CAV1: variants seen among roughly 807,000 people sequenced by gnomAD.
CAV1 encodes caveolin 1.
CAV1 carries 10 observed loss-of-function variants against 16.5 expected under a neutral mutation model. That is an observed-to-expected ratio of 0.61 (90% CI 0.37 to 1.03). CAV1 has a LOEUF of 1.03. CAV1 is among the 50% of genes least tolerant of loss of function. CAV1 has a pLI of 0.01. For synonymous variants in CAV1, 76 were observed against 85.1 expected (o/e 0.89, Z 0.59); for missense variants, 212 against 232.8 (o/e 0.91, Z 0.58).
Position 116,559,300 on chromosome 7 carries a change from G to C in CAV1, c.*13G>C. The C allele has an allele frequency of 1.3e-6, 2 of 1,599,092 alleles. No homozygotes were observed. The highest frequency in any genetic ancestry group is 1.7e-6 in the Non-Finnish European group (2 of 1,166,810). On this transcript the variant is annotated 3_prime_UTR_variant, in exon 3 of 3. Coordinates refer to ENST00000341049, the MANE Select transcript of CAV1 (RefSeq NM_001753.5). ...GAAAGAAATATAAATGACATTTCAA[G>C]GATAGAAGTATACCTGATTTTTTTT...
chr7:116,529,156 A>G (rs1359847999), intron 2 of CAV1, among the ~76,000 whole-genome samples: 3 of 152,206 alleles, frequency 2.0e-5, no homozygotes, highest in Non-Finnish European at 2.9e-5. Context: ...TAAAAAAATC[A>G]TGACAATAAT....
At chr7:116,532,168 T>A (rs1015461765) in intron 2 of CAV1, among the ~76,000 whole-genome samples, 7 of 152,216 alleles carry the variant, frequency 4.6e-5, no homozygotes, top group African/African-American at 1.7e-4. Flanking sequence ...TGGGATATTC[T>A]TTCAGTTAAC....
intron 2 of CAV1, among the ~76,000 whole-genome samples, chr7:116,529,243 A>G (rs529882314): frequency 1.3e-5 from 2 of 152,290 alleles, no homozygotes; most frequent in South Asian, 4.1e-4. Context: ...ATAAGAAAGA[A>G]CCAGTGGCCA....
In CAV1 at chr7:116,559,673, A is replaced by G; in HGVS notation, c.*386A>G. 5.7e-6 allele frequency: 3 copies of G among 527,106 alleles called. No individual in the cohort carries two copies. Among genetic ancestry groups the G allele is most frequent in the Non-Finnish European group, 9.8e-6 (3 of 304,692 alleles). The allele number at this position is 527,106 out of a possible 1,614,324, so 32.7% of individuals were successfully genotyped here. On this transcript the variant is annotated 3_prime_UTR_variant, in exon 3 of 3. Coordinates refer to ENST00000341049, the MANE Select transcript of CAV1 (RefSeq NM_001753.5). ...AACTGCCTACTCCAAAATGTTGGTC[A>G]TTTTATGTTAAGGGAAGAATTCCAG... is the stretch of plus-strand genomic sequence containing the variant.
At chr7:116,558,859 C>A in intron 2 of CAV1, 87 bp from the exon 3 acceptor site, 1 of 969,104 alleles carries the variant, frequency 1.0e-6, no homozygotes, top group Non-Finnish European at 1.6e-6. Context: ...AATGCTAATA[C>A]AGTATATGTC....
intron 2 of CAV1, among the ~76,000 whole-genome samples, chr7:116,546,580 C>T (rs900713165): frequency 6.6e-6 from 1 of 151,632 alleles, no homozygotes; most frequent in Non-Finnish European, 1.5e-5. Context: ...GCCTGTAATC[C>T]CAGCTACTTG....
At chr7:116,526,792 C>T (rs909921235) in intron 2 of CAV1, 103 bp downstream of exon 2, 55 of 1,295,720 alleles carry the variant, frequency 4.2e-5, no homozygotes, top group Non-Finnish European at 5.9e-5. Flanking sequence ...CCCCACCCCG[C>T]CCCCTACACG....
intron 2 of CAV1, among the ~76,000 whole-genome samples, chr7:116,528,549 A>G (rs1334520051): frequency 6.6e-6 from 1 of 152,186 alleles, no homozygotes; most frequent in Non-Finnish European, 1.5e-5. Context: ...TGGCAGTCTC[A>G]CTCAGATGCC....
intron 2 of CAV1, among the ~76,000 whole-genome samples, chr7:116,542,490 A>G (rs1463830570): frequency 1.3e-5 from 2 of 152,148 alleles, no homozygotes; most frequent in Non-Finnish European, 2.9e-5. Flanking sequence ...TTTCTTAATA[A>G]TTAAACACTT....
chr7:116,532,698 T>C (rs1793709996), intron 2 of CAV1, among the ~76,000 whole-genome samples: 1 of 152,240 alleles, frequency 6.6e-6, no homozygotes, highest in South Asian at 2.1e-4. Context: ...CAACCTGTTG[T>C]AGTGCAAGAG....
chr7:116,551,299 T>C (rs1794157751), intron 2 of CAV1, among the ~76,000 whole-genome samples: 1 of 152,204 alleles, frequency 6.6e-6, no homozygotes, highest in Admixed American at 6.5e-5. Context: ...AGTTTGGTGA[T>C]CAGTTTTCCA....
intron 2 of CAV1, among the ~76,000 whole-genome samples, chr7:116,551,430 T>C (rs1183593733): frequency 1.3e-5 from 2 of 152,232 alleles, no homozygotes; most frequent in African/African-American, 4.8e-5. Flanking sequence ...CTGTTTGGTA[T>C]GAATTCTAGA....
intron 2 of CAV1, among the ~76,000 whole-genome samples, chr7:116,534,375 A>T (rs1270650251): frequency 2.2e-4 from 3 of 13,700 alleles, no homozygotes; most frequent in Non-Finnish European, 5.1e-4. Context: ...ATATATATAT[A>T]TATATATATA....
intron 2 of CAV1, among the ~76,000 whole-genome samples, chr7:116,543,547 G>A (rs1049826737): frequency 2.6e-5 from 4 of 152,212 alleles, no homozygotes; most frequent in African/African-American, 4.8e-5. Context: ...CAAATTGGCT[G>A]TATCTGTTCT....
chr7:116,542,493 A>G (rs956403559), intron 2 of CAV1, among the ~76,000 whole-genome samples: 1 of 152,160 alleles, frequency 6.6e-6, no homozygotes, highest in Non-Finnish European at 1.5e-5. Context: ...CTTAATAATT[A>G]AACACTTTAT....
intron 2 of CAV1, among the ~76,000 whole-genome samples, chr7:116,536,946 TGA>T (rs1309761099): frequency 7.4e-6 from 1 of 134,380 alleles, no homozygotes; most frequent in Non-Finnish European, 1.5e-5. Flanking sequence ...GAGCTTGCAG[TGA>T]GCCGAGATTG....
chr7:116,534,251 CT>C (rs1424935012), intron 2 of CAV1, among the ~76,000 whole-genome samples: 1 of 149,096 alleles, frequency 6.7e-6, no homozygotes, highest in African/African-American at 2.4e-5. Flanking sequence ...AATTTGCAGC[CT>C]TTTTAAAACC....
chr7:116,531,203 T>A (rs1308404029), intron 2 of CAV1, among the ~76,000 whole-genome samples: 1 of 152,212 alleles, frequency 6.6e-6, no homozygotes, highest in Non-Finnish European at 1.5e-5. Flanking sequence ...TAAAGAAGAA[T>A]AGATAAGATT....
At chr7:116,531,404 A>T (rs1793683380) in intron 2 of CAV1, among the ~76,000 whole-genome samples, 1 of 152,224 alleles carries the variant, frequency 6.6e-6, no homozygotes, top group African/African-American at 2.4e-5. Context: ...TTTCTTTAAC[A>T]GTCAAGAAAA....
Sources: allele counts gnomAD v4.1 joint callset (sites outside exome capture counted in the v4.1 genomes callset), GRCh38; gene constraint gnomAD v4.1.1; transcripts MANE v1.5; gene names NCBI Gene and HGNC (gene_info 2026-07-23, HGNC 2026-07-21).